Variants in SLCO1B3 observed in about 807,000 individuals in gnomAD.
The protein encoded by SLCO1B3 is liver-specific organic anion transporter 2.
Under a neutral mutation model 71.8 loss-of-function variants are expected in SLCO1B3, and 72 were observed. The ratio of observed to expected loss-of-function variants is 1.00; its 90% CI spans 0.83 to 1.22. The LOEUF (loss-of-function observed/expected upper bound fraction) is 1.22. Ranked by LOEUF, SLCO1B3 falls within the 50% of genes most tolerant of loss-of-function variation. SLCO1B3 has a pLI of 0.00. For synonymous variants in SLCO1B3, 298 were observed against 278.4 expected (o/e 1.07, Z -0.70); for missense variants, 911 against 819.7 (o/e 1.11, Z -1.36).
At chr12:20,845,197 A>C in intron 3 of SLCO1B3, 2 of 389,418 alleles carry the variant, frequency 5.1e-6, no homozygotes, top group Admixed American at 2.6e-5. Flanking sequence ...ACATGGGAGA[A>C]GCAGATCTAC....
At chr12:20,914,277 G>C (rs1295729815) in intron 15 of SLCO1B3, among the ~76,000 whole-genome samples, 1 of 151,806 alleles carries the variant, frequency 6.6e-6, no homozygotes, top group East Asian at 1.9e-4. Flanking sequence ...TTTATTAGTT[G>C]TACTTTTTAA....
At chr12:20,812,167 A>G (rs1246938369) in intron 1 of SLCO1B3, among the ~76,000 whole-genome samples, 1 of 152,118 alleles carries the variant, frequency 6.6e-6, no homozygotes, top group African/African-American at 2.4e-5. Flanking sequence ...TCGGCCTCCC[A>G]AAGTGCTGGG....
At position 20,815,010 on chromosome 12, in the gene SLCO1B3, A is replaced by G. The variant is rs1864169172; in HGVS notation, c.-65-664A>G. 3.6e-5 allele frequency among the ~76,000 whole-genome samples: 5 copies of G among 139,914 alleles called. No individual in the cohort carries two copies. In the Admixed American group the frequency reaches 3.6e-4, roughly 10 times the overall value. The allele number at this position is 139,914 out of a possible 152,430, so 91.8% of individuals were successfully genotyped here. On this transcript the variant is annotated intron_variant, in intron 2 of 15. Transcript: ENST00000381545. ...TTTTTTTTTTTTGCATTTTTCAACT[A>G]CATGCATGTATTTTCTCTTGAAAAA...
chr12:20,825,847 A>G (rs934643163), intron 3 of SLCO1B3, among the ~76,000 whole-genome samples: 5 of 151,662 alleles, frequency 3.3e-5, no homozygotes, highest in African/African-American at 1.2e-4. Context: ...TGAAAACTTA[A>G]TAGAATTAGG....
chr12:20,823,646 A>T (rs1199840168), intron 3 of SLCO1B3, among the ~76,000 whole-genome samples: 1 of 152,180 alleles, frequency 6.6e-6, no homozygotes, highest in Non-Finnish European at 1.5e-5. Flanking sequence ...CTTTTTGTGA[A>T]TTGGCTTTGC....
chr12:20,860,262 A>G (rs539229034), intron 5 of SLCO1B3, among the ~76,000 whole-genome samples: 106 of 152,042 alleles, frequency 7.0e-4, no homozygotes, highest in Non-Finnish European at 1.4e-3. Context: ...GCCCCTGATC[A>G]TTTCTTTTTT....
intron 3 of SLCO1B3, among the ~76,000 whole-genome samples, chr12:20,833,061 C>G (rs1045917737): frequency 3.9e-5 from 6 of 152,156 alleles, no homozygotes; most frequent in Non-Finnish European, 5.9e-5. Flanking sequence ...CAATACACTT[C>G]TTTGTTTTCT....
chr12:20,877,282 C>G (rs1467653822), intron 9 of SLCO1B3, among the ~76,000 whole-genome samples: 3 of 151,704 alleles, frequency 2.0e-5, no homozygotes, highest in African/African-American at 4.8e-5. Flanking sequence ...AATAGTAAAG[C>G]GAATTTTAAT....
In SLCO1B3 at chr12:20,850,231, G is replaced by A. The variant is rs376708576; in HGVS notation, c.85-4797G>A. 2.5e-4 allele frequency among the ~76,000 whole-genome samples: 38 copies of A among 149,700 alleles called. No homozygotes were observed. The South Asian group carries it at 7.2e-3, about 28-fold the overall frequency. ...AAATTGTGTGTTGCAGATGTTTGAT[G>A]TACAGATTATTTTTATTATTATTAT... On this transcript the variant is annotated intron_variant, in intron 3 of 15. Coordinates refer to ENST00000381545, the MANE Select transcript of SLCO1B3 (RefSeq NM_019844.4).
chr12:20,868,228 C>T (rs951923691), intron 8 of SLCO1B3, among the ~76,000 whole-genome samples: 2 of 152,086 alleles, frequency 1.3e-5, no homozygotes, highest in African/African-American at 4.8e-5. Context: ...TAAAAGCCCT[C>T]AAAAATCTGG....
At chr12:20,855,759 A>G (rs1425363110) in intron 4 of SLCO1B3, among the ~76,000 whole-genome samples, 1 of 150,452 alleles carries the variant, frequency 6.6e-6, no homozygotes, top group Non-Finnish European at 1.5e-5. Context: ...TGAAAATATT[A>G]TATAATAATT....
chr12:20,823,976 G>A (rs180919163), intron 3 of SLCO1B3, among the ~76,000 whole-genome samples: 14 of 152,168 alleles, frequency 9.2e-5, no homozygotes, highest in African/African-American at 2.2e-4. Context: ...CGAGTGTCTC[G>A]AATTACGTCC....
intron 3 of SLCO1B3, among the ~76,000 whole-genome samples, chr12:20,853,117 T>A (rs1003262570): frequency 6.6e-6 from 1 of 152,168 alleles, no homozygotes; most frequent in African/African-American, 2.4e-5. Flanking sequence ...TATATTTTGC[T>A]GGATCATGAT....
chr12:20,821,866 A>T (rs1250069998), intron 3 of SLCO1B3, among the ~76,000 whole-genome samples: 1 of 152,334 alleles, frequency 6.6e-6, no homozygotes, highest in East Asian at 1.9e-4. Flanking sequence ...CGTGACCGGC[A>T]CCGGAGTTTT....
intron 8 of SLCO1B3, among the ~76,000 whole-genome samples, chr12:20,866,976 T>C (rs760670932): frequency 4.6e-5 from 7 of 152,176 alleles, no homozygotes; most frequent in Non-Finnish European, 8.8e-5. Flanking sequence ...TGAAAAGTTA[T>C]GACAGTTTCC....
At chr12:20,884,015 A>C (rs1549967) in intron 13 of SLCO1B3, among the ~76,000 whole-genome samples, 7 of 152,032 alleles carry the variant, frequency 4.6e-5, no homozygotes, top group Non-Finnish European at 8.8e-5. Context: ...TTCAATTTGT[A>C]ATGAAATTCT....
At chr12:20,911,548 G>A (rs541480712) in intron 15 of SLCO1B3, among the ~76,000 whole-genome samples, 13 of 152,118 alleles carry the variant, frequency 8.5e-5, no homozygotes, top group East Asian at 3.9e-4. Flanking sequence ...TATAGAATTC[G>A]CCCATGAACC....
At chr12:20,850,457 T>C (rs1356342377) in intron 3 of SLCO1B3, among the ~76,000 whole-genome samples, 2 of 151,782 alleles carry the variant, frequency 1.3e-5, no homozygotes, top group African/African-American at 4.8e-5. Flanking sequence ...TTTTTTTTTG[T>C]ATTCTTAGTA....
At chr12:20,826,155 C>T (rs1864416151) in intron 3 of SLCO1B3, among the ~76,000 whole-genome samples, 1 of 151,554 alleles carries the variant, frequency 6.6e-6, no homozygotes, top group Admixed American at 6.6e-5. Context: ...TTCTTGGTTT[C>T]ATAGAACAAT....
Sources: gnomAD v4.1 joint callset for allele counts (sites outside exome capture counted in the v4.1 genomes callset) on GRCh38, gnomAD v4.1.1 for gene constraint, MANE v1.5 for transcripts, NCBI Gene and HGNC (gene_info 2026-07-23, HGNC 2026-07-21) for gene names.